ADCY8: variants seen among roughly 807,000 people sequenced by gnomAD.
ADCY8 encodes adenylate cyclase 8.
Under a neutral mutation model 119.7 loss-of-function variants are expected in ADCY8, and 51 were observed. That is an observed-to-expected ratio of 0.43 (90% CI 0.34 to 0.54). ADCY8 has a LOEUF of 0.54. ADCY8 is among the 20% of genes least tolerant of loss of function. ADCY8 has a pLI of 0.03. For missense variants in ADCY8, 1,383 were observed against 1,598.8 expected (o/e 0.87, Z 2.30); for synonymous variants, 665 against 651.0 (o/e 1.02, Z -0.33).
Position 130,783,694 on chromosome 8 carries a change from T to C in ADCY8, c.3265A>G (p.Ile1089Val). 1 of 1,611,984 alleles carries C rather than the reference T, an allele frequency of 6.2e-7. No homozygotes were observed. The change falls in exon 17 of 18, where the codon ATT becomes GTT. Residue 1089 changes from isoleucine to valine, a missense_variant. By Grantham distance (29) the Ile-to-Val change is conservative (BLOSUM62 3). Transcript: ENST00000286355. ...CCCACCTGCAGCTGCTACTCACCAA[T>C]CCGGAGTTCAAAATTGTTGAATGAA... ...KHSFNNFELR[I>V]GISHGSVVAG... is the part of the protein sequence containing the mutation.
At chr8:130,888,733 TG>T (rs890065993) in intron 7 of ADCY8, among the ~76,000 whole-genome samples, 4 of 152,224 alleles carry the variant, frequency 2.6e-5, no homozygotes, top group African/African-American at 9.6e-5. Context: ...TTGAATGGGC[TG>T]GGGGAAGTCA....
At chr8:130,879,053 T>C (rs80307829) in intron 8 of ADCY8, among the ~76,000 whole-genome samples, 1,971 of 152,296 alleles carry the variant, frequency 0.013, 46 homozygotes, top group African/African-American at 0.045. Flanking sequence ...TATTAAGCTC[T>C]CTTAAGATGC....
At chr8:130,827,547 G>A (rs1021740386) in intron 12 of ADCY8, among the ~76,000 whole-genome samples, 2 of 152,190 alleles carry the variant, frequency 1.3e-5, no homozygotes, top group Admixed American at 6.5e-5. Context: ...CTGCTGGCCA[G>A]TCTTTTCTCT....
At position 130,808,072 on chromosome 8, in the gene ADCY8, C is replaced by A. The variant is rs533109601; in HGVS notation, c.2913+5997G>T. 2.7e-5 allele frequency among the ~76,000 whole-genome samples: 4 copies of A among 146,552 alleles called. No individual in the cohort carries two copies. The South Asian group carries it at 8.8e-4, about 32-fold the overall frequency. ...TAACAGCACAAACAAACTAAGATAC[C>A]ATTGTAAATACCCTTTCAACACTTT... is the stretch of plus-strand genomic sequence containing the variant. On this transcript the variant is annotated intron_variant, in intron 14 of 17. Coordinates refer to ENST00000286355, the MANE Select transcript of ADCY8 (RefSeq NM_001115.3).
intron 5 of ADCY8, among the ~76,000 whole-genome samples, chr8:130,934,916 C>T (rs552368113): frequency 6.6e-5 from 10 of 152,276 alleles, no homozygotes; most frequent in East Asian, 1.9e-4. Context: ...GTACATCTCC[C>T]GATTCCATTT....
chr8:131,027,902 G>A (rs75334367), intron 1 of ADCY8, among the ~76,000 whole-genome samples: 1 of 152,164 alleles, frequency 6.6e-6, no homozygotes, highest in South Asian at 2.1e-4. Flanking sequence ...TGAGAAAGAA[G>A]AGTATGTAAC....
intron 3 of ADCY8, 80 bp downstream of exon 3, chr8:130,951,788 G>A: frequency 1.3e-6 from 2 of 1,553,948 alleles, no homozygotes; most frequent in South Asian, 2.4e-5. Flanking sequence ...CAAGCAGACG[G>A]AAGTCACGGA....
At chr8:130,923,356 C>T (rs563941816) in intron 5 of ADCY8, among the ~76,000 whole-genome samples, 12 of 152,284 alleles carry the variant, frequency 7.9e-5, no homozygotes, top group African/African-American at 2.6e-4. Flanking sequence ...GGCATTCTTG[C>T]CTTCAGTAAA....
intron 1 of ADCY8, among the ~76,000 whole-genome samples, chr8:131,037,436 T>G (rs1042734050): frequency 3.3e-5 from 5 of 152,254 alleles, no homozygotes; most frequent in Non-Finnish European, 7.3e-5. Context: ...TACTTAGAAC[T>G]TTGAAAACAC....
chr8:130,888,036 C>G (rs1015229913), intron 7 of ADCY8, among the ~76,000 whole-genome samples: 6 of 152,044 alleles, frequency 3.9e-5, no homozygotes, highest in Non-Finnish European at 8.8e-5. Flanking sequence ...AGACTGAGAT[C>G]ATGTTTAAAA....
chr8:130,960,953 C>T (rs892638826), intron 2 of ADCY8, among the ~76,000 whole-genome samples: 5 of 152,050 alleles, frequency 3.3e-5, no homozygotes, highest in African/African-American at 7.2e-5. Flanking sequence ...TGCCACTTAC[C>T]GAATTTAAAC....
At chr8:130,962,768 C>T (rs1231074521) in intron 2 of ADCY8, among the ~76,000 whole-genome samples, 1 of 152,212 alleles carries the variant, frequency 6.6e-6, no homozygotes, top group African/African-American at 2.4e-5. Context: ...GAGCTTGCCA[C>T]TTTCAGGCTC....
intron 15 of ADCY8, among the ~76,000 whole-genome samples, chr8:130,786,868 G>A (rs2130054076): frequency 6.6e-6 from 1 of 152,212 alleles, no homozygotes; most frequent in South Asian, 2.1e-4. Flanking sequence ...TAAAGGGTGA[G>A]GAGGGGTTTT....
chr8:130,840,768 G>A (rs529605731), intron 11 of ADCY8, among the ~76,000 whole-genome samples: 8 of 152,196 alleles, frequency 5.3e-5, no homozygotes, highest in Non-Finnish European at 1.2e-4. Context: ...ATATAGTAAT[G>A]GGGTTCTCTG....
chr8:130,904,281 A>G (rs987562591), intron 6 of ADCY8, among the ~76,000 whole-genome samples: 2 of 152,236 alleles, frequency 1.3e-5, no homozygotes, highest in East Asian at 1.9e-4. Flanking sequence ...GATAAAATAC[A>G]GCCCTTCTGA....
chr8:130,802,527 C>T (rs935569793), intron 14 of ADCY8, among the ~76,000 whole-genome samples: 2 of 152,184 alleles, frequency 1.3e-5, no homozygotes, highest in South Asian at 4.1e-4. Context: ...CCTCCAATGG[C>T]TCACCATTGC....
In ADCY8 at chr8:130,816,428, T is replaced by TTTC. The variant is rs386414009; in HGVS notation, c.2755-2202_2755-2201insGAA. Among the ~76,000 whole-genome samples, 9 of 23,968 alleles carry TTTC rather than the reference T, an allele frequency of 3.8e-4. No homozygotes were observed. In the South Asian group the frequency reaches 5.5e-3, roughly 15 times the overall value. The allele number at this position is 23,968 out of a possible 152,430, so 15.7% of individuals were successfully genotyped here. ...ATATTTCTTAATTAATTTTTTTTTC[T>TTTC]TTTTTTTTTTTTTTTGAGACAGAGT... On this transcript the variant is annotated intron_variant, in intron 13 of 17. Coordinates refer to ENST00000286355, the MANE Select transcript of ADCY8 (RefSeq NM_001115.3).
chr8:130,829,358 G>C (rs1392363408), intron 12 of ADCY8, among the ~76,000 whole-genome samples: 1 of 152,194 alleles, frequency 6.6e-6, no homozygotes, highest in Non-Finnish European at 1.5e-5. Flanking sequence ...TAAGAGGGAA[G>C]TATATCTTAG....
At chr8:130,827,620 T>C (rs951421216) in intron 12 of ADCY8, among the ~76,000 whole-genome samples, 33 of 152,296 alleles carry the variant, frequency 2.2e-4, no homozygotes, top group African/African-American at 7.2e-4. Context: ...TCTCTTTCTT[T>C]TGTCTATTAA....
Sources: gnomAD v4.1 joint callset for allele counts (sites outside exome capture counted in the v4.1 genomes callset) on GRCh38, gnomAD v4.1.1 for gene constraint, MANE v1.5 for transcripts, NCBI Gene and HGNC (gene_info 2026-07-23, HGNC 2026-07-21) for gene names.